The following ACSM3 variants were observed in gnomAD, a reference collection of about 807,000 sequenced individuals.
The protein encoded by ACSM3 is acyl-coenzyme A synthetase ACSM3, mitochondrial.
ACSM3 carries 61 observed loss-of-function variants against 74.1 expected under a neutral mutation model. The ratio of observed to expected loss-of-function variants is 0.82; its 90% CI spans 0.67 to 1.02. ACSM3 has a LOEUF of 1.02. Ranked by LOEUF, ACSM3 falls within the 50% of genes least tolerant of loss-of-function variation. The pLI, the probability that ACSM3 is intolerant of heterozygous loss-of-function variation, is 0.00. For synonymous variants in ACSM3, 213 were observed against 241.5 expected (o/e 0.88, Z 1.09); for missense variants, 660 against 697.0 (o/e 0.95, Z 0.60).
intron 1 of ACSM3, among the ~76,000 whole-genome samples, chr16:20,699,604 CT>C (rs2152353722): frequency 6.6e-6 from 1 of 152,222 alleles, no homozygotes; most frequent in Non-Finnish European, 1.5e-5. Flanking sequence ...ACCAAAAAAC[CT>C]CTGTTACTAA....
At chr16:20,686,458 G>A (rs1175853679) in intron 1 of ACSM3, among the ~76,000 whole-genome samples, 2 of 152,030 alleles carry the variant, frequency 1.3e-5, no homozygotes, top group Non-Finnish European at 2.9e-5. Flanking sequence ...AACACACACT[G>A]GGGCCAGTCT....
chr16:20,776,124 ATG>A, intron 3 of ACSM3, 75 bp downstream of exon 3: 1 of 1,469,858 alleles, frequency 6.8e-7, no homozygotes, highest in Admixed American at 1.8e-5. Context: ...CTAAGTAATC[ATG>A]ATACATTTAT....
At chr16:20,755,784 C>T (rs1283240209) in intron 3 of ACSM3, among the ~76,000 whole-genome samples, 2 of 80,798 alleles carry the variant, frequency 2.5e-5, no homozygotes, top group East Asian at 4.3e-4. Context: ...ATCCCTCCCC[C>T]CCCCCCACCC....
chr16:20,727,424 A>C, intron 1 of ACSM3: 1 of 539,610 alleles, frequency 1.9e-6, no homozygotes, highest in Non-Finnish European at 3.6e-6. Flanking sequence ...GGAGGGCACA[A>C]ACTGGGCTGG....
Position 20,786,124 on chromosome 16 carries a change from C to T in ACSM3, c.1190C>T (p.Ser397Leu), listed in dbSNP as rs758636757. ...NFKGMKIKPG[S>L]MGKPSPAFDV... ...AAGGGAATGAAAATTAAACCTGGCT[C>T]AATGGGAAAACCTTCTCCTGCTTTC... Residue 397 changes from serine (S) to leucine (L), a missense_variant, in exon 9 of 14, where the codon TCA becomes TTA. By Grantham distance (145) the Ser-to-Leu change is moderately radical (BLOSUM62 -2). Coordinates refer to ENST00000289416, the MANE Select transcript of ACSM3 (RefSeq NM_005622.4). The T allele has an allele frequency of 3.1e-6, 5 of 1,604,894 alleles. No homozygotes were observed. The highest frequency in any genetic ancestry group is 1.3e-5 in the African/African-American group (1 of 74,356).
chr16:20,765,152 G>A (rs2080112600), intron 1 of ACSM3, among the ~76,000 whole-genome samples: 1 of 152,194 alleles, frequency 6.6e-6, no homozygotes, highest in African/African-American at 2.4e-5. Context: ...CTGACCAGGG[G>A]TGGTACTGTC....
chr16:20,782,170 T>G (rs2080365903), intron 7 of ACSM3, among the ~76,000 whole-genome samples: 1 of 152,210 alleles, frequency 6.6e-6, no homozygotes, highest in Admixed American at 6.5e-5. Flanking sequence ...GCTGATTCCA[T>G]TTGAAAGGGT....
intron 4 of ACSM3, among the ~76,000 whole-genome samples, chr16:20,778,579 G>A (rs532341181): frequency 5.1e-4 from 77 of 152,266 alleles, no homozygotes; most frequent in African/African-American, 1.8e-3. Flanking sequence ...AGCTGAATAA[G>A]GTCAAATGCT....
intron 3 of ACSM3, among the ~76,000 whole-genome samples, chr16:20,758,273 T>C (rs1472955206): frequency 1.3e-5 from 2 of 152,208 alleles, no homozygotes; most frequent in Non-Finnish European, 2.9e-5. Flanking sequence ...CTGGATTCTT[T>C]TTGGTTGGTA....
At chr16:20,795,833 T>C (rs2080712165) in intron 12 of ACSM3, among the ~76,000 whole-genome samples, 1 of 152,240 alleles carries the variant, frequency 6.6e-6, no homozygotes, top group South Asian at 2.1e-4. Flanking sequence ...TATCTTTCTG[T>C]CTTCTCCATT....
chr16:20,679,232 T>C (rs571493732), intron 1 of ACSM3: 7 of 152,314 alleles, frequency 4.6e-5, no homozygotes, highest in Admixed American at 4.6e-4. Context: ...CTATGACCAG[T>C]GGATTAACCA....
At position 20,790,269 on chromosome 16, in the gene ACSM3, TC is replaced by T. The variant is rs1423252761; in HGVS notation, c.1225-315del. Reference sequence around the variant, plus strand: ...GAACCAGCCTGGGCAACATAATGAGTCCCTCATCCCTACAAAAAATAAAAAT... The same window carrying T: ...GAACCAGCCTGGGCAACATAATGAGTCCTCATCCCTACAAAAAATAAAAAT... On this transcript the variant is annotated intron_variant, in intron 9 of 13. Transcript: ENST00000289416. This position sits in a 1 kb window ranked among gnomAD's most constrained non-coding sequence, Gnocchi z 4.0. 2.0e-5 allele frequency among the ~76,000 whole-genome samples: 3 copies of T among 151,916 alleles called. No homozygotes were observed. Among genetic ancestry groups the T allele is most frequent in the African/African-American group, 7.3e-5 (3 of 41,350 alleles).
At chr16:20,722,784 T>G (rs980335344) in intron 1 of ACSM3, among the ~76,000 whole-genome samples, 2 of 152,210 alleles carry the variant, frequency 1.3e-5, no homozygotes, top group Non-Finnish European at 2.9e-5. Flanking sequence ...TTCAATTCTG[T>G]AGGTTTGTTA....
At chr16:20,742,359 CA>C (rs1480203847) in intron 1 of ACSM3, among the ~76,000 whole-genome samples, 1 of 152,110 alleles carries the variant, frequency 6.6e-6, no homozygotes, top group African/African-American at 2.4e-5. Flanking sequence ...CAACGCATTA[CA>C]AAAAGAGCCA....
intron 1 of ACSM3, among the ~76,000 whole-genome samples, chr16:20,706,099 T>TGG (rs768225596): frequency 9.3e-4 from 142 of 151,964 alleles, no homozygotes; most frequent in Non-Finnish European, 1.8e-3. Context: ...TGTGTGTGTG[T>TGG]GTGTGTATAC....
Position 20,796,411 on chromosome 16 carries a change from A to C in ACSM3, c.1596A>C (p.Ser532=). ...AFVVLNPDYK[S]HDQEQLIKEI... Reference sequence around the variant, plus strand: ...TCGTTCTAAATCCTGATTACAAGTCACATGATCAAGAACAACTAATAAAGG... The same window carrying C: ...TCGTTCTAAATCCTGATTACAAGTCCCATGATCAAGAACAACTAATAAAGG... Residue 532 remains serine (S), a synonymous_variant, in exon 13 of 14, where the codon TCA becomes TCC. Transcript: ENST00000289416. 6.2e-7 allele frequency: 1 copy of C among 1,613,894 alleles called. No individual in the cohort carries two copies. The highest frequency in any genetic ancestry group is 2.2e-5 in the East Asian group (1 of 44,870).
chr16:20,705,953 T>G (rs2079726134), intron 1 of ACSM3, among the ~76,000 whole-genome samples: 1 of 152,186 alleles, frequency 6.6e-6, no homozygotes, highest in Non-Finnish European at 1.5e-5. Context: ...ATGAACTTAA[T>G]GGACCTTATA....
chr16:20,700,964 G>C (rs933344486), intron 1 of ACSM3, among the ~76,000 whole-genome samples: 9 of 152,202 alleles, frequency 5.9e-5, no homozygotes, highest in Non-Finnish European at 1.5e-5. Flanking sequence ...CAAGAGTTAT[G>C]GCACTGGAGA....
At chr16:20,745,578 A>AAAATAAATAAAT (rs55894266) in intron 1 of ACSM3, among the ~76,000 whole-genome samples, 31 of 150,566 alleles carry the variant, frequency 2.1e-4, no homozygotes, top group Non-Finnish European at 3.7e-4. Context: ...ACTCTGTCTC[A>AAAATAAATAAAT]AAATAAATAA....
Sources: allele counts gnomAD v4.1 joint callset (sites outside exome capture counted in the v4.1 genomes callset), GRCh38; gene constraint gnomAD v4.1.1; non-coding constraint Gnocchi (gnomAD v3.1); transcripts MANE v1.5; gene names NCBI Gene and HGNC (gene_info 2026-07-23, HGNC 2026-07-21).